PCDHA11: variants seen among roughly 807,000 people sequenced by gnomAD.
The protein encoded by PCDHA11 is protocadherin alpha-11.
In PCDHA11, 61 loss-of-function variants were observed where a neutral mutation model predicts 70.3. The observed-to-expected ratio is 0.87, with a 90% CI of 0.71 to 1.07. PCDHA11 has a LOEUF of 1.07. Ranked by LOEUF, PCDHA11 falls within the 50% of genes least tolerant of loss-of-function variation. The probability of loss-of-function intolerance (pLI) is 0.00; values close to 1 mark genes in which losing one functional copy is unlikely to be tolerated. For missense variants in PCDHA11, 1,324 were observed against 1,237.5 expected (o/e 1.07, Z -1.05); for synonymous variants, 633 against 555.1 (o/e 1.14, Z -1.97).
At chr5:140,930,711 C>G (rs10214249) in intron 1 of PCDHA11, among the ~76,000 whole-genome samples, 2,020 of 152,280 alleles carry the variant, frequency 0.013, 38 homozygotes, top group African/African-American at 0.046. Flanking sequence ...TATTCTTCCT[C>G]AAGTAATGAT....
chr5:140,964,909 A>G (rs1164322313), intron 1 of PCDHA11, among the ~76,000 whole-genome samples: 1 of 152,208 alleles, frequency 6.6e-6, no homozygotes, highest in African/African-American at 2.4e-5. Context: ...GCTTCTCTGG[A>G]ATAACACTGG....
At chr5:140,958,515 A>G (rs1217324801) in intron 1 of PCDHA11, among the ~76,000 whole-genome samples, 1 of 152,150 alleles carries the variant, frequency 6.6e-6, no homozygotes, top group Non-Finnish European at 1.5e-5. Flanking sequence ...TGGCTGTCCA[A>G]TATATACTAT....
intron 1 of PCDHA11, among the ~76,000 whole-genome samples, chr5:140,964,896 G>A (rs868917865): frequency 6.6e-6 from 1 of 152,170 alleles, no homozygotes. Context: ...TAGGAGGCTG[G>A]GCGCTTCTCT....
At chr5:140,877,375 C>G (rs782650940) in intron 1 of PCDHA11, 1 of 1,614,006 alleles carries the variant, frequency 6.2e-7, no homozygotes, top group Admixed American at 1.7e-5. Flanking sequence ...CAGCACGACA[C>G]GCATCCTGGA....
chr5:140,987,391 G>A (rs1277678841), intron 3 of PCDHA11, among the ~76,000 whole-genome samples: 1 of 152,140 alleles, frequency 6.6e-6, no homozygotes, highest in Non-Finnish European at 1.5e-5. Flanking sequence ...ATGCATGCAA[G>A]GAAGCCATCT....
intron 1 of PCDHA11, among the ~76,000 whole-genome samples, chr5:140,886,827 G>GA (rs782016620): frequency 0.032 from 1,958 of 60,672 alleles, 33 homozygotes; most frequent in African/African-American, 0.049. Context: ...ACTTCGTCTT[G>GA]AAAAAAAAAA....
chr5:140,890,915 G>A (rs1169684735), intron 1 of PCDHA11, among the ~76,000 whole-genome samples: 4 of 152,116 alleles, frequency 2.6e-5, no homozygotes, highest in African/African-American at 9.7e-5. Flanking sequence ...AGAATAATTT[G>A]AGAGTTTCCT....
intron 1 of PCDHA11, among the ~76,000 whole-genome samples, chr5:140,907,969 A>C (rs1355560411): frequency 1.3e-5 from 2 of 152,204 alleles, no homozygotes; most frequent in African/African-American, 4.8e-5. Flanking sequence ...CCAATTTTCC[A>C]ATCATGCTTC....
At chr5:140,874,041 G>C (rs1385679236) in intron 1 of PCDHA11, among the ~76,000 whole-genome samples, 1 of 152,212 alleles carries the variant, frequency 6.6e-6, no homozygotes, top group African/African-American at 2.4e-5. Flanking sequence ...GAAACTTGGT[G>C]ATGATATTAG....
intron 1 of PCDHA11, among the ~76,000 whole-genome samples, chr5:140,953,840 G>C (rs1429646408): frequency 6.6e-6 from 1 of 152,072 alleles, no homozygotes; most frequent in African/African-American, 2.4e-5. Flanking sequence ...TTGTTACCCA[G>C]GTAAACATGT....
At chr5:140,985,818 C>T (rs1377098916) in intron 3 of PCDHA11, among the ~76,000 whole-genome samples, 1 of 142,038 alleles carries the variant, frequency 7.0e-6, no homozygotes, top group Non-Finnish European at 1.5e-5. Flanking sequence ...CAGCTCACAA[C>T]AAGCTCTGCC....
rs781915766 is a variant in PCDHA11, at chr5:140,869,999, G to C, written c.896G>C (p.Gly299Ala). ...RHLFTLDQNNGEVRVNGTLDY... is the reference protein window; with the variant it reads ...RHLFTLDQNNAEVRVNGTLDY... Reference sequence around the variant, plus strand: ...TTATTTACACTAGATCAAAATAATGGAGAAGTGAGGGTCAATGGAACTTTA... The same window carrying C: ...TTATTTACACTAGATCAAAATAATGCAGAAGTGAGGGTCAATGGAACTTTA... The change falls in exon 1 of 4, where the codon GGA becomes GCA. Residue 299 changes from glycine to alanine, a missense_variant. Coordinates refer to ENST00000398640, the MANE Select transcript of PCDHA11 (RefSeq NM_018902.5). The C allele has an allele frequency of 3.7e-6, 6 of 1,613,396 alleles. No individual in the cohort carries two copies. In the South Asian group the frequency reaches 6.6e-5, roughly 18 times the overall value.
At chr5:140,882,864 C>G in intron 1 of PCDHA11, 2 of 1,614,200 alleles carry the variant, frequency 1.2e-6, no homozygotes, top group Non-Finnish European at 8.5e-7. Context: ...CTGAGGAAAA[C>G]ACTGGACAGA....
chr5:140,888,129 A>G (rs2061706592), intron 1 of PCDHA11, among the ~76,000 whole-genome samples: 2 of 152,024 alleles, frequency 1.3e-5, no homozygotes, highest in Admixed American at 1.3e-4. Flanking sequence ...CTATGGATAT[A>G]TTTTCTTGCT....
intron 3 of PCDHA11, among the ~76,000 whole-genome samples, chr5:141,002,081 G>T (rs1016567220): frequency 3.3e-5 from 5 of 152,220 alleles, no homozygotes; most frequent in South Asian, 2.1e-4. Flanking sequence ...GCCAAAGAAC[G>T]AGCAGTCCAG....
chr5:141,009,019 C>G (rs1160022658), intron 3 of PCDHA11, among the ~76,000 whole-genome samples: 2 of 152,232 alleles, frequency 1.3e-5, no homozygotes, highest in African/African-American at 4.8e-5. Flanking sequence ...CCTTTAGGCT[C>G]TGTATTTCCC....
chr5:140,873,098 T>C (rs1281569389), intron 1 of PCDHA11, among the ~76,000 whole-genome samples: 1 of 152,200 alleles, frequency 6.6e-6, no homozygotes, highest in Non-Finnish European at 1.5e-5. Flanking sequence ...TATAGAGGCA[T>C]AACATACCAT....
chr5:140,979,408 G>GTT (rs558051720), intron 2 of PCDHA11, among the ~76,000 whole-genome samples: 2 of 147,646 alleles, frequency 1.4e-5, no homozygotes, highest in African/African-American at 2.5e-5. Context: ...TGTCTACCTT[G>GTT]TTTTTTTTTT....
At chr5:140,935,134 T>G (rs1358918679) in intron 1 of PCDHA11, among the ~76,000 whole-genome samples, 1 of 152,210 alleles carries the variant, frequency 6.6e-6, no homozygotes. Context: ...TAGTGAAAGA[T>G]GATACTTAGA....
Sources: allele counts gnomAD v4.1 joint callset (sites outside exome capture counted in the v4.1 genomes callset), GRCh38; gene constraint gnomAD v4.1.1; transcripts MANE v1.5; gene names NCBI Gene and HGNC (gene_info 2026-07-23, HGNC 2026-07-21).